Variants in AMBRA1 observed in about 807,000 individuals in gnomAD.
AMBRA1 encodes activating molecule in BECN1-regulated autophagy protein 1.
Under a neutral mutation model 125.4 loss-of-function variants are expected in AMBRA1, and 47 were observed. That is an observed-to-expected ratio of 0.37 (90% CI 0.30 to 0.48). The LOEUF (loss-of-function observed/expected upper bound fraction) is 0.48, where lower values mean the gene tolerates loss of function less well. Among genes scored for constraint, AMBRA1 ranks in the 20% least tolerant of loss-of-function variants. The pLI is 0.99. For missense variants in AMBRA1, 1,331 were observed against 1,693.4 expected (o/e 0.79, Z 3.76); for synonymous variants, 626 against 655.5 (o/e 0.95, Z 0.69).
At chr11:46,444,152 C>A (rs988021223) in intron 11 of AMBRA1, among the ~76,000 whole-genome samples, 1 of 152,142 alleles carries the variant, frequency 6.6e-6, no homozygotes, top group Non-Finnish European at 1.5e-5. Flanking sequence ...CAGTAAAAAA[C>A]AAATAAGGTA....
At chr11:46,478,039 ATGAC>A (rs970692850) in intron 11 of AMBRA1, among the ~76,000 whole-genome samples, 1 of 152,124 alleles carries the variant, frequency 6.6e-6, no homozygotes, top group Non-Finnish European at 1.5e-5. Context: ...AAAAAAAAGA[ATGAC>A]TGGTGAATAT....
rs918074206 is a variant in AMBRA1 at position 46,417,786 on chromosome 11, C to T, written c.3116+127G>A. The T allele has an allele frequency of 8.6e-6, 10 of 1,159,370 alleles. No individual in the cohort carries two copies. In the East Asian group the frequency reaches 1.4e-4, roughly 16 times the overall value. The allele number at this position is 1,159,370 out of a possible 1,614,324, so 71.8% of individuals were successfully genotyped here. A position where few individuals can be genotyped will look rare whatever the true frequency, so the allele number is the denominator to read the frequency against. On this transcript the variant is annotated intron_variant, in intron 15 of 17. Transcript: ENST00000683756. ...GGGAAGAGGGCCCTTTAAGGAGTGG[C>T]GCTGAGAATGAGGCAGGCTCTAGAT...
intron 1 of AMBRA1, among the ~76,000 whole-genome samples, chr11:46,566,586 C>T (rs747664449): frequency 3.3e-5 from 5 of 152,080 alleles, no homozygotes; most frequent in Admixed American, 6.5e-5. Context: ...AGATTACAGA[C>T]GGGACCCGGG....
intron 11 of AMBRA1, among the ~76,000 whole-genome samples, chr11:46,445,563 T>C (rs933250341): frequency 2.6e-5 from 4 of 152,230 alleles, no homozygotes; most frequent in African/African-American, 4.8e-5. Context: ...AAAGGAACTT[T>C]CTTGATTTTT....
At chr11:46,417,844 T>C in intron 15 of AMBRA1, 69 bp downstream of exon 15, 1 of 1,465,458 alleles carries the variant, frequency 6.8e-7, no homozygotes, top group Non-Finnish European at 9.2e-7. Flanking sequence ...AGACCCCAGT[T>C]GGTGAATACT....
At chr11:46,505,928 G>A (rs554622926) in intron 9 of AMBRA1, among the ~76,000 whole-genome samples, 17 of 152,244 alleles carry the variant, frequency 1.1e-4, no homozygotes, top group Admixed American at 4.6e-4. Flanking sequence ...TCTCCCAGGC[G>A]TGCATGGAAA....
chr11:46,535,413 T>C (rs1406144794), intron 7 of AMBRA1, among the ~76,000 whole-genome samples: 3 of 152,188 alleles, frequency 2.0e-5, no homozygotes. Context: ...TTCACTCTCA[T>C]GATGCTCAGA....
chr11:46,531,289 C>G (rs1011387874), intron 7 of AMBRA1, among the ~76,000 whole-genome samples: 3 of 152,208 alleles, frequency 2.0e-5, no homozygotes, highest in African/African-American at 7.2e-5. Context: ...AAATAATTTA[C>G]TATCTTGACC....
At chr11:46,508,948 T>C (rs1271875394) in intron 8 of AMBRA1, among the ~76,000 whole-genome samples, 2 of 152,196 alleles carry the variant, frequency 1.3e-5, no homozygotes, top group Non-Finnish European at 2.9e-5. Flanking sequence ...TTGGAACCTC[T>C]TTTTCTCTCC....
In AMBRA1 at chr11:46,408,693, T is replaced by C; in HGVS notation, c.3223A>G (p.Thr1075Ala). 1 of 1,553,822 alleles carries C rather than the reference T, an allele frequency of 6.4e-7. No homozygotes were observed. The highest frequency in any genetic ancestry group is 1.4e-5 in the African/African-American group (1 of 73,272). The part of the protein sequence containing the change: ...SSERPGTSRA[T>A]WRTDRDMGLM... ...CCCATGTCTCTGTCTGTCCTCCATGTGGCTCTGCTGGTTCTAGGGAGAGAA... is the reference window on the plus strand; with the variant it reads ...CCCATGTCTCTGTCTGTCCTCCATGCGGCTCTGCTGGTTCTAGGGAGAGAA... The change falls in exon 17 of 18, where the codon ACA becomes GCA. Residue 1075 changes from threonine (T) to alanine (A), a missense_variant. Thr to Ala is a moderately conservative substitution (Grantham distance 58). Transcript: ENST00000683756.
chr11:46,408,531 C>A lies in AMBRA1; in HGVS notation c.3385G>T (p.Ala1129Ser), dbSNP rs72910100. The change falls in exon 17 of 18, where the codon GCC (alanine) becomes TCC (serine). Residue 1129 changes from alanine to serine, a missense_variant. Transcript: ENST00000683756. ...EREVPEPGTA[A>S]SGPGEGEGSE... The stretch of plus-strand genomic sequence containing the variant: ...CTCCTACCTTCACCAGGACCTGAGG[C>A]GGCTGTCCCTGGCTCCGGCACCTCC... The A allele has an allele frequency of 0.019, 29,433 of 1,573,038 alleles. 338 individuals are homozygous for A. The highest frequency in any genetic ancestry group is 0.021 in the Non-Finnish European group (24,633 of 1,155,966).
chr11:46,406,043 C>CTTTA (rs746743129), intron 17 of AMBRA1, among the ~76,000 whole-genome samples: 1 of 150,530 alleles, frequency 6.6e-6, no homozygotes, highest in Non-Finnish European at 1.5e-5. Context: ...GAGATTCTGT[C>CTTTA]TTTATTTATT....
intron 1 of AMBRA1, among the ~76,000 whole-genome samples, chr11:46,552,852 T>C (rs745559189): frequency 1.3e-5 from 2 of 152,128 alleles, no homozygotes; most frequent in Non-Finnish European, 2.9e-5. Context: ...AGTGGCATTA[T>C]TGGTGATTTA....
intron 1 of AMBRA1, among the ~76,000 whole-genome samples, chr11:46,574,000 A>AT (rs1177139250): frequency 7.1e-6 from 1 of 140,522 alleles, no homozygotes; most frequent in Non-Finnish European, 1.5e-5. Flanking sequence ...TGAACTCATC[A>AT]TTTTTTATGG....
intron 11 of AMBRA1, chr11:46,451,725 T>C (rs1439728114): frequency 1.3e-5 from 2 of 153,574 alleles, no homozygotes; most frequent in Admixed American, 1.3e-4. Flanking sequence ...GCTGGGAAGA[T>C]GAAATAAGAA....
chr11:46,414,894 T>C (rs768839624), intron 15 of AMBRA1, among the ~76,000 whole-genome samples: 1 of 152,178 alleles, frequency 6.6e-6, no homozygotes, highest in Non-Finnish European at 1.5e-5. Flanking sequence ...AAGTGGGTTT[T>C]AGTACCACCA....
chr11:46,454,661 G>C (rs979261122), intron 11 of AMBRA1, among the ~76,000 whole-genome samples: 1 of 151,496 alleles, frequency 6.6e-6, no homozygotes, highest in African/African-American at 2.4e-5. Flanking sequence ...TGAGGCAGGA[G>C]AATGGTGTGA....
At chr11:46,458,464 G>A (rs1045703168) in intron 11 of AMBRA1, among the ~76,000 whole-genome samples, 1 of 152,046 alleles carries the variant, frequency 6.6e-6, no homozygotes, top group Admixed American at 6.5e-5. Flanking sequence ...AGTTTCCTCC[G>A]AATTCAAGTG....
chr11:46,547,749 C>A, intron 3 of AMBRA1, 68 bp downstream of exon 3: 1 of 1,491,420 alleles, frequency 6.7e-7, no homozygotes, highest in Non-Finnish European at 9.2e-7. Flanking sequence ...CTTGGAAGAT[C>A]AAGCCAGGCC....
Sources: allele counts gnomAD v4.1 joint callset (sites outside exome capture counted in the v4.1 genomes callset), GRCh38; gene constraint gnomAD v4.1.1; transcripts MANE v1.5; gene names NCBI Gene and HGNC (gene_info 2026-07-23, HGNC 2026-07-21).